Variants in ZNF69 observed in about 807,000 individuals in gnomAD.
ZNF69 encodes zinc finger protein 69, also known as ZNF3.
A neutral mutation model predicts 50.9 loss-of-function variants in ZNF69; 47 were observed. The ratio of observed to expected loss-of-function variants is 0.92; its 90% CI spans 0.73 to 1.18. The LOEUF is 1.18. Among genes scored for constraint, ZNF69 ranks in the 50% most tolerant of loss-of-function variants. The pLI is 0.00. For missense variants in ZNF69, 717 were observed against 675.1 expected (o/e 1.06, Z -0.69); for synonymous variants, 216 against 223.1 (o/e 0.97, Z 0.29).
the ZNF69 span, among the ~76,000 whole-genome samples, chr19:11,944,103 A>G: frequency 1.3e-5 from 2 of 152,144 alleles, no homozygotes; most frequent in African/African-American, 4.8e-5. Flanking sequence ...ACCTGGGGAG[A>G]AAGGGTGAAC....
At chr19:11,962,492 C>G in the ZNF69 span, among the ~76,000 whole-genome samples, 6 of 152,254 alleles carry the variant, frequency 3.9e-5, no homozygotes, top group Admixed American at 3.3e-4. Context: ...TCCCAAGTAG[C>G]TGGGAATAAA....
chr19:11,904,374 C>T (rs1972314897), intron 3 of ZNF69, among the ~76,000 whole-genome samples: 2 of 152,138 alleles, frequency 1.3e-5, no homozygotes, highest in African/African-American at 4.8e-5. Context: ...GACGAGACCC[C>T]TAAATAAAAG....
the ZNF69 span, chr19:11,949,984 GAA>G: frequency 9.3e-6 from 15 of 1,613,940 alleles, no homozygotes; most frequent in Non-Finnish European, 1.2e-5. Flanking sequence ...TAAGGAATGC[GAA>G]AAAGCATTCT....
the ZNF69 span, among the ~76,000 whole-genome samples, chr19:11,951,576 T>C: frequency 6.6e-6 from 1 of 152,140 alleles, no homozygotes; most frequent in Non-Finnish European, 1.5e-5. Context: ...TTATCTCATA[T>C]ACCTCTGAGT....
At chr19:11,917,986 A>C (rs1343096762), downstream of ZNF69, among the ~76,000 whole-genome samples, 1 of 151,950 alleles carries the variant, frequency 6.6e-6, no homozygotes, top group Non-Finnish European at 1.5e-5. Flanking sequence ...CGGTTTCACC[A>C]TGTTGTCCAG....
At chr19:11,950,465 A>C in the ZNF69 span, 2 of 695,354 alleles carry the variant, frequency 2.9e-6, no homozygotes, top group Non-Finnish European at 5.2e-6. Context: ...ACGGGAGAGA[A>C]ACCCTATGAG....
downstream of ZNF69, among the ~76,000 whole-genome samples, chr19:11,918,193 T>A (rs1599270319): frequency 6.6e-6 from 1 of 152,216 alleles, no homozygotes; most frequent in Non-Finnish European, 1.5e-5. Flanking sequence ...AGATTATGGG[T>A]AAATTCAAAT....
chr19:11,905,598 A>G lies in ZNF69; in HGVS notation c.1201A>G (p.Ser401Gly). ...ATGTGGTAAAGCCTTCATTCATTCC[A>G]GTTCCCTTCGTTATCATGAAAGGAT... ...KQCGKAFIHSSSLRYHERIHT... is the reference protein window; with the variant it reads ...KQCGKAFIHSGSLRYHERIHT... The change falls in exon 4 of 4, where the codon AGT (serine) becomes GGT (glycine). Residue 401 changes from serine (S) to glycine (G), a missense_variant. Physicochemically the swap from Ser to Gly is moderately conservative, Grantham distance 56 (BLOSUM62 0). Transcript: ENST00000429654. 6.2e-7 allele frequency: 1 copy of G among 1,613,868 alleles called. No homozygotes were observed. Among genetic ancestry groups the G allele is most frequent in the Non-Finnish European group, 8.5e-7 (1 of 1,179,942 alleles).
chr19:11,968,022 A>T, the ZNF69 span, among the ~76,000 whole-genome samples: 1 of 152,156 alleles, frequency 6.6e-6, no homozygotes, highest in African/African-American at 2.4e-5. Context: ...TCGTTGTGGG[A>T]GTGTAAGGAT....
chr19:11,899,104 C>G (rs536043929), intron 1 of ZNF69, among the ~76,000 whole-genome samples: 11 of 152,302 alleles, frequency 7.2e-5, no homozygotes, highest in African/African-American at 2.6e-4. Context: ...TTCTATCTCT[C>G]CCTTCCCTCT....
At chr19:11,962,273 C>G in the ZNF69 span, among the ~76,000 whole-genome samples, 9 of 152,222 alleles carry the variant, frequency 5.9e-5, no homozygotes, top group Middle Eastern at 3.4e-3. Context: ...AAAAAATTAG[C>G]CGGGCATGAT....
intron 1 of ZNF69, 54 bp downstream of exon 1, chr19:11,888,040 C>T (rs937005394): frequency 1.9e-6 from 3 of 1,565,382 alleles, no homozygotes; most frequent in Non-Finnish European, 2.6e-6. Flanking sequence ...CCTGGACCGA[C>T]CGGAACCGAC....
chr19:11,948,601 C>A, the ZNF69 span: 1 of 1,610,116 alleles, frequency 6.2e-7, no homozygotes, highest in Non-Finnish European at 8.5e-7. Context: ...TGGAGAGAAA[C>A]CCTATGCTTG....
At chr19:11,949,190 G>C in the ZNF69 span, 838 of 1,607,708 alleles carry the variant, frequency 5.2e-4, 8 homozygotes, top group African/African-American at 0.01. Flanking sequence ...GGAGAGAAAC[G>C]CTATAAATGC....
At chr19:11,934,994 T>A in the ZNF69 span, among the ~76,000 whole-genome samples, 9 of 146,090 alleles carry the variant, frequency 6.2e-5, no homozygotes, top group Non-Finnish European at 1.0e-4. Context: ...TGGCTAACAC[T>A]GTGAAACCCC....
At chr19:11,946,467 G>T in the ZNF69 span, among the ~76,000 whole-genome samples, 3 of 152,052 alleles carry the variant, frequency 2.0e-5, no homozygotes, top group East Asian at 5.8e-4. Context: ...ATCCCTCATT[G>T]GCTATCTGTC....
chr19:11,967,367 G>T, the ZNF69 span, among the ~76,000 whole-genome samples: 1 of 151,968 alleles, frequency 6.6e-6, no homozygotes, highest in African/African-American at 2.4e-5. Context: ...ACAAGAAAGA[G>T]TTGAAGACCA....
chr19:11,975,940 C>G, the ZNF69 span, among the ~76,000 whole-genome samples: 1 of 151,462 alleles, frequency 6.6e-6, no homozygotes, highest in Non-Finnish European at 1.5e-5. Flanking sequence ...CCCATCTGCC[C>G]TTGTTATCAG....
chr19:11,968,406 C>G, the ZNF69 span, among the ~76,000 whole-genome samples: 1 of 152,178 alleles, frequency 6.6e-6, no homozygotes, highest in Non-Finnish European at 1.5e-5. Flanking sequence ...GCACACCTGG[C>G]TAATTTTTTG....
Sources: gnomAD v4.1 joint callset for allele counts (sites outside exome capture counted in the v4.1 genomes callset) on GRCh38, gnomAD v4.1.1 for gene constraint, MANE v1.5 for transcripts, NCBI Gene and HGNC (gene_info 2026-07-23, HGNC 2026-07-21) for gene names.